PTPN13: variants seen among roughly 807,000 people sequenced by gnomAD.
PTPN13 encodes the protein protein tyrosine phosphatase non-receptor type 13.
A neutral mutation model predicts 284.0 loss-of-function variants in PTPN13; 191 were observed. The observed-to-expected ratio is 0.67, with a 90% CI of 0.60 to 0.76. PTPN13 has a LOEUF of 0.76. Ranked by LOEUF, PTPN13 falls within the 30% of genes least tolerant of loss-of-function variation. PTPN13 has a pLI of 0.00. For synonymous variants in PTPN13, 986 were observed against 1,022.3 expected (o/e 0.96, Z 0.68); for missense variants, 2,797 against 2,939.9 (o/e 0.95, Z 1.12).
At chr4:86,797,448 C>T (rs10015000) in intron 41 of PTPN13, among the ~76,000 whole-genome samples, 15,083 of 151,374 alleles carry the variant, frequency 0.1, 861 homozygotes, top group Non-Finnish European at 0.11. Context: ...GCCGAGATCG[C>T]GCCACTGTAC....
Position 86,814,545 on chromosome 4 carries a change from G to A in PTPN13, c.7452G>A (p.Leu2484=). 6.2e-7 allele frequency: 1 copy of A among 1,608,334 alleles called. No homozygotes were observed. The highest frequency in any genetic ancestry group is 1.7e-4 in the Middle Eastern group (1 of 6,050). Residue 2484 remains leucine, a synonymous_variant, in exon 48 of 48, where the codon CTG becomes CTA. Transcript: ENST00000411767. ...AGCAAAAACAGCAGCCTCAGCTTCTGAAGTGACATGAAAAGAGCCTCTGGA... is the reference window on the plus strand; with the variant it reads ...AGCAAAAACAGCAGCCTCAGCTTCTAAAGTGACATGAAAAGAGCCTCTGGA... ...EEEQKQQPQL[L]K
intron 1 of PTPN13, among the ~76,000 whole-genome samples, chr4:86,633,708 A>G (rs1293297922): frequency 6.6e-6 from 1 of 152,204 alleles, no homozygotes; most frequent in Admixed American, 6.5e-5. Context: ...TGCTAATATT[A>G]TCTGATCCCT....
rs1324150480 is a variant in PTPN13, at chr4:86,807,933, A to G, written c.7083+36A>G. 3.9e-6 allele frequency: 6 copies of G among 1,550,136 alleles called. No individual in the cohort carries two copies. In the African/African-American group the frequency reaches 6.8e-5, roughly 18 times the overall value. ...GAAATCTTTCCCTGTTGGAAGGTGTATCTCCTAGTTGTAATCCAAGCCTGG... is the reference window on the plus strand; with the variant it reads ...GAAATCTTTCCCTGTTGGAAGGTGTGTCTCCTAGTTGTAATCCAAGCCTGG... On this transcript the variant is annotated intron_variant, in intron 45 of 47. Transcript: ENST00000411767.
intron 1 of PTPN13, among the ~76,000 whole-genome samples, chr4:86,613,792 T>G (rs1387017130): frequency 6.6e-6 from 1 of 152,282 alleles, no homozygotes; most frequent in East Asian, 1.9e-4. Flanking sequence ...CTCATTTATC[T>G]TTTTGTTAGG....
chr4:86,672,942 G>T (rs1386274740), intron 3 of PTPN13, among the ~76,000 whole-genome samples: 2 of 152,192 alleles, frequency 1.3e-5, no homozygotes, highest in Non-Finnish European at 2.9e-5. Flanking sequence ...GGATGGGGTG[G>T]TGGGGGAATG....
intron 1 of PTPN13, among the ~76,000 whole-genome samples, chr4:86,605,997 T>A (rs1243969161): frequency 1.3e-5 from 2 of 151,900 alleles, no homozygotes; most frequent in African/African-American, 4.8e-5. Flanking sequence ...TTACAGTCTA[T>A]AATGGTCAAG....
intron 16 of PTPN13, among the ~76,000 whole-genome samples, chr4:86,744,068 A>G (rs957820309): frequency 2.0e-5 from 3 of 152,206 alleles, no homozygotes; most frequent in African/African-American, 7.2e-5. Context: ...AAGAAATTTC[A>G]GAGTGATAAA....
At chr4:86,782,293 T>A (rs1158902286) in intron 37 of PTPN13, 31 bp downstream of exon 37, 1 of 1,529,850 alleles carries the variant, frequency 6.5e-7, no homozygotes, top group South Asian at 1.1e-5. Flanking sequence ...TTTCATGTCA[T>A]ACCTCCTTAT....
At chr4:86,721,263 T>A (rs1032175756) in intron 9 of PTPN13, among the ~76,000 whole-genome samples, 3 of 151,996 alleles carry the variant, frequency 2.0e-5, no homozygotes, top group Non-Finnish European at 4.4e-5. Flanking sequence ...AGATTCAAGG[T>A]CTTATTATTA....
chr4:86,632,260 A>G (rs1043539963), intron 1 of PTPN13, among the ~76,000 whole-genome samples: 3 of 152,202 alleles, frequency 2.0e-5, no homozygotes, highest in Non-Finnish European at 2.9e-5. Context: ...TAGATGGAAG[A>G]CAGTGTGATT....
chr4:86,664,091 A>G (rs1726804702), intron 2 of PTPN13, among the ~76,000 whole-genome samples: 1 of 152,138 alleles, frequency 6.6e-6, no homozygotes, highest in Admixed American at 6.6e-5. Context: ...GAAACTTTTT[A>G]AAAATACTGT....
In PTPN13 at chr4:86,716,608, A is replaced by C. The variant is rs778755135; in HGVS notation, c.1274A>C (p.Glu425Ala). ...GAAAGTCCATCTATTATTTCCTCTG[A>C]ATCAGATTTCAGACAAGGTAGGAGG... ...SSESPSIISS[E>A]SDFRQVRRSE... The change falls in exon 8 of 48, where the codon GAA becomes GCA. Residue 425 changes from glutamate (E) to alanine (A), a missense_variant. Physicochemically the swap from Glu to Ala is moderately radical, Grantham distance 107. Coordinates refer to ENST00000411767, the MANE Select transcript of PTPN13 (RefSeq NM_080683.3). 6.3e-7 allele frequency: 1 copy of C among 1,589,778 alleles called. No homozygotes were observed. The highest frequency in any genetic ancestry group is 1.2e-5 in the South Asian group (1 of 86,812).
At chr4:86,751,197 T>C in intron 19 of PTPN13, 73 bp downstream of exon 19, 1 of 1,118,576 alleles carries the variant, frequency 8.9e-7, no homozygotes, top group Non-Finnish European at 1.3e-6. Context: ...ATCATCTTAA[T>C]TATCAAATTA....
At chr4:86,726,504 TGTA>T (rs917262385) in intron 10 of PTPN13, among the ~76,000 whole-genome samples, 2 of 149,274 alleles carry the variant, frequency 1.3e-5, no homozygotes, top group Non-Finnish European at 3.0e-5. Flanking sequence ...AACAGTGGTT[TGTA>T]GTTCTGCTTG....
intron 27 of PTPN13, 181 bp downstream of exon 27, chr4:86,766,698 AT>A: frequency 4.6e-6 from 2 of 437,196 alleles, no homozygotes; most frequent in East Asian, 3.9e-5. Flanking sequence ...ATTACAAGAC[AT>A]TTTTTACTGA....
chr4:86,722,474 C>T (rs771907969), intron 10 of PTPN13, 40 bp downstream of exon 10: 301 of 1,535,148 alleles, frequency 2.0e-4, no homozygotes, highest in Non-Finnish European at 2.6e-4. Flanking sequence ...TAAACCTGCT[C>T]TCACAGGGAA....
At chr4:86,685,005 A>G (rs891122794) in intron 3 of PTPN13, among the ~76,000 whole-genome samples, 2 of 152,198 alleles carry the variant, frequency 1.3e-5, no homozygotes, top group African/African-American at 4.8e-5. Context: ...CTGCCATCTT[A>G]CTACAGATGA....
intron 15 of PTPN13, 130 bp downstream of exon 15, chr4:86,735,876 C>A: frequency 1.3e-6 from 1 of 773,492 alleles, no homozygotes. Flanking sequence ...TCATTGCTGG[C>A]TAAAATTATG....
intron 1 of PTPN13, chr4:86,595,675 G>A: frequency 2.3e-6 from 2 of 862,854 alleles, no homozygotes; most frequent in Non-Finnish European, 2.8e-6. Flanking sequence ...TGACTTCATA[G>A]GGAGCTGCCT....
Sources: allele counts gnomAD v4.1 joint callset (sites outside exome capture counted in the v4.1 genomes callset), GRCh38; gene constraint gnomAD v4.1.1; transcripts MANE v1.5; gene names NCBI Gene and HGNC (gene_info 2026-07-23, HGNC 2026-07-21).